The following LMO7 variants were observed in gnomAD, a reference collection of about 807,000 sequenced individuals.
LMO7 encodes the protein LIM domain 7, also known as LIM domain only protein 7.
Under a neutral mutation model 206.5 loss-of-function variants are expected in LMO7, and 120 were observed. That is an observed-to-expected ratio of 0.58 (90% CI 0.50 to 0.68). The LOEUF (loss-of-function observed/expected upper bound fraction) is 0.68, where lower values mean the gene tolerates loss of function less well. Ranked by LOEUF, LMO7 falls within the 30% of genes least tolerant of loss-of-function variation. LMO7 has a pLI of 0.00. For missense variants in LMO7, 1,959 were observed against 1,957.9 expected, an observed-to-expected ratio of 1.00 and a Z score of -0.01; for synonymous variants, 706 against 681.5, an observed-to-expected ratio of 1.04 and a Z score of -0.56.
rs145950936 is a variant in LMO7, at chr13:75,624,922, C to G, written c.225+1602C>G. 5.0e-3 allele frequency among the ~76,000 whole-genome samples: 765 copies of G among 152,284 alleles called. 10 individuals carry two copies. Among genetic ancestry groups the G allele is most frequent in the African/African-American group, 0.017 (725 of 41,556 alleles). On this transcript the variant is annotated intron_variant, in intron 2 of 29. Coordinates refer to the LMO7 transcript ENST00000341547. Reference sequence around the variant, plus strand: ...AAGGATCCACACAGGATTACATATTCTAGAGTCTGAGTTGTAGTAGAAGTG... The same window carrying G: ...AAGGATCCACACAGGATTACATATTGTAGAGTCTGAGTTGTAGTAGAAGTG...
At chr13:75,698,642 T>A (rs910316537) in intron 1 of LMO7, among the ~76,000 whole-genome samples, 1 of 150,458 alleles carries the variant, frequency 6.6e-6, no homozygotes, top group Non-Finnish European at 1.5e-5. Context: ...GCATTTAGAG[T>A]ACAGGAATCA....
intron 27 of LMO7, 74 bp downstream of exon 27, chr13:75,849,366 C>T: frequency 8.5e-7 from 1 of 1,176,898 alleles, no homozygotes; most frequent in African/African-American, 1.5e-5. Context: ...CATCCTGGTG[C>T]TTTGGACAGA....
At chr13:75,669,986 A>G (rs766310426) in intron 1 of LMO7, among the ~76,000 whole-genome samples, 2 of 152,158 alleles carry the variant, frequency 1.3e-5, no homozygotes, top group South Asian at 4.1e-4. Context: ...GCTTATTCTG[A>G]GGTCCCTGGA....
At chr13:75,812,243 T>C (rs140081656) in intron 11 of LMO7, among the ~76,000 whole-genome samples, 1 of 152,342 alleles carries the variant, frequency 6.6e-6, no homozygotes, top group East Asian at 1.9e-4. Context: ...TGAGGAACCC[T>C]CATTGAGACT....
chr13:75,656,971 T>G (rs1297876816), intron 1 of LMO7, among the ~76,000 whole-genome samples: 1 of 152,182 alleles, frequency 6.6e-6, no homozygotes, highest in Non-Finnish European at 1.5e-5. Flanking sequence ...GGAAATAGAG[T>G]CCTTACAGTG....
At chr13:75,685,879 C>T (rs9573612) in intron 1 of LMO7, among the ~76,000 whole-genome samples, 60,589 of 147,842 alleles carry the variant, frequency 0.41, 13,650 homozygotes, top group Middle Eastern at 0.52. Context: ...TTCATCCTAC[C>T]TTTTCTTTCT....
intron 3 of LMO7, among the ~76,000 whole-genome samples, chr13:75,744,843 C>A (rs184366261): frequency 6.6e-6 from 1 of 152,148 alleles, no homozygotes; most frequent in Non-Finnish European, 1.5e-5. Context: ...TGGGGGGTTG[C>A]AGGGAGTACA....
At chr13:75,819,150 G>T (rs574630492) in intron 12 of LMO7, 6 of 354,640 alleles carry the variant, frequency 1.7e-5, no homozygotes, top group Non-Finnish European at 2.5e-5. Context: ...GTGCAATGAG[G>T]CAGATACTTT....
At chr13:75,657,008 G>T (rs967860369) in intron 1 of LMO7, among the ~76,000 whole-genome samples, 3 of 152,150 alleles carry the variant, frequency 2.0e-5, no homozygotes, top group African/African-American at 7.2e-5. Context: ...AGATTGTTAG[G>T]GTCGGCCAAA....
intron 2 of LMO7, chr13:75,628,644 C>G (rs1409783307): frequency 1.3e-5 from 2 of 152,152 alleles, no homozygotes; most frequent in Non-Finnish European, 2.9e-5. Flanking sequence ...TTGGTTATTT[C>G]TGAACTTATA....
intron 3 of LMO7, among the ~76,000 whole-genome samples, chr13:75,741,731 C>G (rs2046428019): frequency 6.6e-6 from 1 of 152,146 alleles, no homozygotes. Flanking sequence ...GAATATACCT[C>G]AAAATAATAA....
At chr13:75,746,101 T>C (rs1038251026) in intron 3 of LMO7, among the ~76,000 whole-genome samples, 6 of 152,260 alleles carry the variant, frequency 3.9e-5, no homozygotes, top group Middle Eastern at 3.4e-3. Flanking sequence ...CACGTTTTGA[T>C]GGAAGAGTGT....
intron 1 of LMO7, among the ~76,000 whole-genome samples, chr13:75,697,261 C>T (rs1379124467): frequency 6.6e-6 from 1 of 152,072 alleles, no homozygotes; most frequent in Admixed American, 6.5e-5. Context: ...GTGTATTAGT[C>T]CATTCTCATG....
At chr13:75,652,822 A>T (rs1482298840) in intron 1 of LMO7, among the ~76,000 whole-genome samples, 1 of 152,208 alleles carries the variant, frequency 6.6e-6, no homozygotes, top group East Asian at 1.9e-4. Context: ...TATATAAATC[A>T]TAAATCCACA....
chr13:75,653,577 T>C (rs2037780110), intron 1 of LMO7, among the ~76,000 whole-genome samples: 2 of 152,184 alleles, frequency 1.3e-5, no homozygotes, highest in Admixed American at 1.3e-4. Flanking sequence ...TGCATAATAC[T>C]GGTATTATAA....
intron 3 of LMO7, among the ~76,000 whole-genome samples, chr13:75,746,511 A>G (rs1566381689): frequency 2.0e-5 from 3 of 152,100 alleles, no homozygotes; most frequent in Admixed American, 2.0e-4. Flanking sequence ...TTCATCTTGT[A>G]CAGTTTTTGT....
At chr13:75,705,127 C>G (rs889290039) in intron 1 of LMO7, among the ~76,000 whole-genome samples, 1 of 152,148 alleles carries the variant, frequency 6.6e-6, no homozygotes, top group Non-Finnish European at 1.5e-5. Context: ...AGGCTAATTA[C>G]AACCTCAGAG....
intron 2 of LMO7, among the ~76,000 whole-genome samples, chr13:75,721,011 A>G (rs1160214009): frequency 6.6e-6 from 1 of 152,198 alleles, no homozygotes; most frequent in Non-Finnish European, 1.5e-5. Context: ...ATGAATTTAA[A>G]TAAAAGTTAT....
intron 2 of LMO7, among the ~76,000 whole-genome samples, chr13:75,624,943 A>G (rs2033835000): frequency 6.6e-6 from 1 of 152,224 alleles, no homozygotes; most frequent in South Asian, 2.1e-4. Context: ...GTTGTAGTAG[A>G]AGTGATGGGA....
Sources: allele counts gnomAD v4.1 joint callset (sites outside exome capture counted in the v4.1 genomes callset), GRCh38; gene constraint gnomAD v4.1.1; transcripts MANE v1.5; gene names NCBI Gene and HGNC (gene_info 2026-07-23, HGNC 2026-07-21).